The following NRG1 variants were observed in gnomAD, a reference collection of about 807,000 sequenced individuals.
NRG1 encodes neuregulin 1.
NRG1 carries 18 observed loss-of-function variants against 63.8 expected under a neutral mutation model. The observed-to-expected ratio is 0.28, with a 90% confidence interval of 0.19 to 0.42. NRG1 has a LOEUF of 0.42. Ranked by LOEUF, NRG1 falls within the 10% of genes least tolerant of loss-of-function variation. The pLI is 1.00. For synonymous variants in NRG1, 302 were observed against 301.3 expected (o/e 1.00, Z -0.02); for missense variants, 762 against 814.7 (o/e 0.94, Z 0.79).
At chr8:31,821,655 C>T (rs192218700) in intron 1 of NRG1, among the ~76,000 whole-genome samples, 3 of 152,074 alleles carry the variant, frequency 2.0e-5, no homozygotes, top group South Asian at 2.1e-4. Context: ...TTACCCTCTA[C>T]TTACAGGAAA....
chr8:31,717,885 G>T (rs186610392), intron 1 of NRG1, among the ~76,000 whole-genome samples: 7 of 152,174 alleles, frequency 4.6e-5, no homozygotes, highest in Non-Finnish European at 7.4e-5. Context: ...ATCATGGTTG[G>T]GAATTACCAC....
chr8:32,353,112 TAATA>T (rs1805856584), intron 1 of NRG1, among the ~76,000 whole-genome samples: 1 of 150,426 alleles, frequency 6.6e-6, no homozygotes, highest in Non-Finnish European at 1.5e-5. Flanking sequence ...CCTCAAAAAA[TAATA>T]AATAAGAATA....
chr8:31,681,837 G>A (rs12677842), intron 1 of NRG1, among the ~76,000 whole-genome samples: 30,265 of 151,776 alleles, frequency 0.2, 4,058 homozygotes, highest in East Asian at 0.59. Context: ...GCAATATAGA[G>A]CAGAAAATAG....
chr8:32,444,333 A>G (rs1819963292), intron 1 of NRG1, among the ~76,000 whole-genome samples: 1 of 151,840 alleles, frequency 6.6e-6, no homozygotes, highest in Non-Finnish European at 1.5e-5. Flanking sequence ...TTGTTTTTGT[A>G]GAGACTTTGT....
At position 32,231,788 on chromosome 8, in the gene NRG1, G is replaced by A. The variant is rs118037811; in HGVS notation, c.38-364040G>A. The stretch of plus-strand genomic sequence containing the variant: ...GTGGTGGCATGCGCCTGCAGTCTCA[G>A]CAACTCGGGAGGCTGAGACAGAATT... On this transcript the variant is annotated intron_variant, in intron 1 of 10. Transcript: ENST00000519301. 9.9e-4 allele frequency among the ~76,000 whole-genome samples: 150 copies of A among 151,406 alleles called. 4 individuals are homozygous for A. The East Asian group carries it at 0.028, about 28-fold the overall frequency.
At chr8:32,162,868 C>G (rs1429069509) in intron 1 of NRG1, among the ~76,000 whole-genome samples, 2 of 152,110 alleles carry the variant, frequency 1.3e-5, no homozygotes, top group Admixed American at 1.3e-4. Flanking sequence ...ATTACATGGG[C>G]ATTAGACTTC....
At chr8:31,681,950 G>A (rs967804584) in intron 1 of NRG1, among the ~76,000 whole-genome samples, 2 of 152,090 alleles carry the variant, frequency 1.3e-5, no homozygotes, top group South Asian at 4.1e-4. Context: ...CTATGCTGCT[G>A]CATCAGTATT....
In NRG1 at chr8:32,553,901, A is replaced by C. The variant is rs1185571849; in HGVS notation, c.100+5075A>C. 5.9e-5 allele frequency among the ~76,000 whole-genome samples: 9 copies of C among 152,174 alleles called. 1 individual carries two copies. Among genetic ancestry groups the C allele is most frequent in the Admixed American group, 5.9e-4 (9 of 15,286 alleles). ...CAGCCTTCCTAGAATGGCTATAGGT[A>C]GTGTTTAAAGTTCTGGAAGTGTGAT... On this transcript the variant is annotated intron_variant, in intron 1 of 11. Transcript: ENST00000356819.
chr8:32,409,165 T>C (rs1430816648), intron 1 of NRG1, among the ~76,000 whole-genome samples: 1 of 152,172 alleles, frequency 6.6e-6, no homozygotes, highest in Non-Finnish European at 1.5e-5. Context: ...CTTTGACTTA[T>C]CAAATAAATG....
chr8:32,310,596 C>G (rs12546160), intron 1 of NRG1, among the ~76,000 whole-genome samples: 36,063 of 152,094 alleles, frequency 0.24, 5,032 homozygotes, highest in East Asian at 0.65. Flanking sequence ...TGTCTGGTGA[C>G]TGGTTTTATA....
chr8:32,511,400 A>AT (rs1554567530), intron 1 of NRG1, among the ~76,000 whole-genome samples: 55 of 108,548 alleles, frequency 5.1e-4, no homozygotes, highest in African/African-American at 1.0e-3. Flanking sequence ...TATATATATA[A>AT]ATAAAATAAA....
At chr8:32,169,611 G>A (rs537808883) in intron 1 of NRG1, among the ~76,000 whole-genome samples, 1 of 152,236 alleles carries the variant, frequency 6.6e-6, no homozygotes, top group East Asian at 1.9e-4. Context: ...ATGGAGGATT[G>A]AAACACAATG....
At chr8:32,239,418 T>A (rs1417817680) in intron 1 of NRG1, among the ~76,000 whole-genome samples, 1 of 151,606 alleles carries the variant, frequency 6.6e-6, no homozygotes, top group Non-Finnish European at 1.5e-5. Context: ...GCAATAAAAC[T>A]TTAGGAAACA....
chr8:32,666,210 A>G (rs979186100), intron 5 of NRG1, among the ~76,000 whole-genome samples: 1 of 152,218 alleles, frequency 6.6e-6, no homozygotes, highest in African/African-American at 2.4e-5. Flanking sequence ...TAGTGAATAT[A>G]TAAACTTGTA....
intron 1 of NRG1, among the ~76,000 whole-genome samples, chr8:32,315,671 A>G (rs1420472682): frequency 6.6e-6 from 1 of 152,184 alleles, no homozygotes. Context: ...GATACCTAAC[A>G]TGGAATCTGA....
At chr8:32,127,528 CGTGTGTGT>C (rs3084577) in intron 1 of NRG1, among the ~76,000 whole-genome samples, 9 of 146,384 alleles carry the variant, frequency 6.1e-5, no homozygotes, top group East Asian at 2.0e-4. Context: ...TGTATCTGCA[CGTGTGTGT>C]GTGTGTGTGT....
intron 1 of NRG1, chr8:32,061,694 C>T (rs1275133363): frequency 6.6e-6 from 1 of 151,886 alleles, no homozygotes; most frequent in Non-Finnish European, 1.5e-5. Context: ...AGGAAAGTCA[C>T]GTTTCAGTGT....
intron 1 of NRG1, among the ~76,000 whole-genome samples, chr8:32,359,438 C>A (rs1020600474): frequency 1.3e-5 from 2 of 152,082 alleles, no homozygotes; most frequent in Non-Finnish European, 2.9e-5. Flanking sequence ...AAGACTAGAA[C>A]AAAATATTGC....
chr8:32,071,948 A>C (rs1186737477), intron 1 of NRG1, among the ~76,000 whole-genome samples: 1 of 152,218 alleles, frequency 6.6e-6, no homozygotes, highest in African/African-American at 2.4e-5. Context: ...GACGAAGTGT[A>C]TGAGGACATT....
Sources: gnomAD v4.1 joint callset for allele counts (sites outside exome capture counted in the v4.1 genomes callset) on GRCh38, gnomAD v4.1.1 for gene constraint, MANE v1.5 for transcripts, NCBI Gene and HGNC (gene_info 2026-07-23, HGNC 2026-07-21) for gene names.